IDE: variants seen among roughly 807,000 people sequenced by gnomAD.
IDE encodes the protein insulin degrading enzyme.
Under a neutral mutation model 133.2 loss-of-function variants are expected in IDE, and 58 were observed. The ratio of observed to expected loss-of-function variants is 0.44; its 90% CI spans 0.35 to 0.54. IDE has a LOEUF of 0.54. IDE is among the 20% of genes least tolerant of loss of function. IDE has a pLI of 0.00. For missense variants in IDE, 981 were observed against 1,234.0 expected (o/e 0.79, Z 3.07); for synonymous variants, 396 against 421.3 (o/e 0.94, Z 0.73).
chr10:92,500,533 A>G (rs1847951063), intron 11 of IDE, among the ~76,000 whole-genome samples: 1 of 152,236 alleles, frequency 6.6e-6, no homozygotes, highest in South Asian at 2.1e-4. Flanking sequence ...AACAGAATGT[A>G]GAATAGTGAT....
intron 1 of IDE, among the ~76,000 whole-genome samples, chr10:92,565,259 A>G (rs111990282): frequency 7.3e-4 from 110 of 150,468 alleles, no homozygotes; most frequent in African/African-American, 2.5e-3. Context: ...AAAAAAAAAA[A>G]AAAGAAAAAA....
At chr10:92,506,572 CCT>C in intron 9 of IDE, 50 bp from the exon 10 acceptor site, 3 of 857,672 alleles carry the variant, frequency 3.5e-6, no homozygotes, top group Non-Finnish European at 5.6e-6. Context: ...TATTTAGAAA[CCT>C]TTTTTTTTTT....
intron 13 of IDE, among the ~76,000 whole-genome samples, chr10:92,484,177 C>T (rs1015756876): frequency 6.6e-6 from 1 of 152,120 alleles, no homozygotes; most frequent in Non-Finnish European, 1.5e-5. Context: ...CTTTGGGATG[C>T]CGAGGTGGGT....
intron 11 of IDE, among the ~76,000 whole-genome samples, chr10:92,504,174 T>C (rs937744449): frequency 2.0e-5 from 3 of 152,178 alleles, no homozygotes; most frequent in African/African-American, 7.2e-5. Flanking sequence ...GTAAAACATG[T>C]CATTCAATTA....
chr10:92,564,671 C>CAAAAAAAAAAAAAAAAAAAAAAAAAAAAA (rs532861372), intron 1 of IDE, among the ~76,000 whole-genome samples: 1 of 31,562 alleles, frequency 3.2e-5, no homozygotes, highest in Non-Finnish European at 6.1e-5. Flanking sequence ...GAGACTGTCT[C>CAAAAAAAAAAAAAAAAAAAAAAAAAAAAA]AAAAAAAAAA....
intron 11 of IDE, among the ~76,000 whole-genome samples, chr10:92,495,216 CTTTTTT>C (rs71028822): frequency 1.4e-5 from 1 of 73,444 alleles, no homozygotes. Context: ...TCACACTCGG[CTTTTTT>C]TTTTTTTTTT....
In IDE at chr10:92,528,125, G is replaced by A. The variant is rs564555039; in HGVS notation, c.661+3623C>T. Among the ~76,000 whole-genome samples, 25 of 152,218 alleles carry A rather than the reference G, an allele frequency of 1.6e-4. No individual in the cohort carries two copies. In the East Asian group the frequency reaches 4.6e-3, roughly 28 times the overall value. On this transcript the variant is annotated intron_variant, in intron 4 of 24. Coordinates refer to ENST00000265986, the MANE Select transcript of IDE (RefSeq NM_004969.4). ...GAAATAAGGAAATAGGTTTTGTTGTGCTTCCTTTCCATCTCTTATAATCAC... is the reference window on the plus strand; with the variant it reads ...GAAATAAGGAAATAGGTTTTGTTGTACTTCCTTTCCATCTCTTATAATCAC...
At chr10:92,468,741 C>T in intron 19 of IDE, 138 bp downstream of exon 19, 2 of 508,266 alleles carry the variant, frequency 3.9e-6, no homozygotes, top group Non-Finnish European at 7.0e-6. Context: ...TTACCTATCT[C>T]TAATCATAAT....
At chr10:92,508,011 T>C (rs969067865) in intron 8 of IDE, 102 bp downstream of exon 8, 17 of 831,786 alleles carry the variant, frequency 2.0e-5, no homozygotes, top group Admixed American at 2.0e-4. Context: ...AATTAAAGTG[T>C]TGTAGCTTTC....
intron 22 of IDE, among the ~76,000 whole-genome samples, chr10:92,459,601 C>G (rs777966435): frequency 6.6e-6 from 1 of 152,078 alleles, no homozygotes; most frequent in African/African-American, 2.4e-5. Context: ...TATAATTTTG[C>G]TCCTTATTTT....
In IDE at chr10:92,574,058, T is replaced by C. The variant is rs562980141; in HGVS notation, c.-39A>G. 8.2e-6 allele frequency: 12 copies of C among 1,455,190 alleles called. No homozygotes were observed. Among genetic ancestry groups the C allele is most frequent in the East Asian group, 5.6e-5 (2 of 36,018 alleles). 90.1% of individuals were successfully genotyped at this position (1,455,190 alleles called of 1,614,324 possible). ...CGCCGGGATCACCGCAAACGCTTCC[T>C]GCTTGCGCTTCGAGCCGGCCCTGCG... On this transcript the variant is annotated 5_prime_UTR_variant, in exon 1 of 25. Coordinates refer to ENST00000265986, the MANE Select transcript of IDE (RefSeq NM_004969.4).
intron 1 of IDE, among the ~76,000 whole-genome samples, chr10:92,553,316 C>A (rs762911517): frequency 2.6e-5 from 4 of 151,398 alleles, no homozygotes; most frequent in African/African-American, 4.9e-5. Flanking sequence ...CCCAGGTACT[C>A]AGGAAGCTGA....
rs770831145 is a variant in IDE at position 92,504,872 on chromosome 10, G to A, written c.1352C>T (p.Thr451Ile). 1.3e-5 allele frequency: 21 copies of A among 1,562,376 alleles called. No individual in the cohort carries two copies. The highest frequency in any genetic ancestry group is 1.6e-5 in the Non-Finnish European group (18 of 1,147,458). The change falls in exon 11 of 25, where the codon ACA becomes ATA. Residue 451 changes from threonine (T) to isoleucine (I), a missense_variant. By Grantham distance (89) the Thr-to-Ile change is moderately conservative. This residue lies in a region of IDE where 660 missense variants were observed against 894.7 expected (regional missense o/e 0.74). Transcript: ENST00000265986. ...AAATTCTTCCAGTAAATATTCCGCT[G>A]TGAGCACCTCTTCTAGGGGATAATA... Reference protein sequence around the residue: ...LHYYPLEEVLTAEYLLEEFRP... With the variant: ...LHYYPLEEVLIAEYLLEEFRP...
In IDE at chr10:92,531,760, T is replaced by C; in HGVS notation, c.649A>G (p.Lys217Glu). ...ATGNPKHPFS[K>E]FGTGNKYTLE... is the part of the protein sequence containing the mutation. Reference sequence around the variant, plus strand: ...GCTGTTGACAAACCTGTCCCAAATTTACTGAAGGGGTGTTTAGGATTCCCT... The same window carrying C: ...GCTGTTGACAAACCTGTCCCAAATTCACTGAAGGGGTGTTTAGGATTCCCT... Residue 217 changes from lysine to glutamate, a missense_variant, in exon 4 of 25, where the codon AAA becomes GAA. By Grantham distance (56) the Lys-to-Glu change is moderately conservative. Transcript: ENST00000265986. The C allele has an allele frequency of 6.3e-7, 1 of 1,581,004 alleles. No homozygotes were observed. The highest frequency in any genetic ancestry group is 1.3e-5 in the African/African-American group (1 of 74,400).
In IDE at chr10:92,537,538, C is replaced by G. The variant is rs1368260187; in HGVS notation, c.111G>C (p.Lys37Asn). ...PPERLCGFQK[K>N]TYSKMNNPAI... ...CTGGATTATTCATTTTGCTGTAAGT[C>G]TTTTTTTGGAAACTGAAAAGAAAGA... Residue 37 changes from lysine (K) to asparagine (N), a missense_variant, in exon 2 of 25, where the codon AAG (lysine) becomes AAC (asparagine). Physicochemically the swap from Lys to Asn is moderately conservative, Grantham distance 94. Around this residue, in one of 2 missense-constraint regions of IDE, gnomAD observed 321 missense variants for 339.3 expected, o/e 0.95. Transcript: ENST00000265986. The G allele has an allele frequency of 6.3e-7, 1 of 1,589,394 alleles. No homozygotes were observed. Among genetic ancestry groups the G allele is most frequent in the African/African-American group, 1.4e-5 (1 of 73,388 alleles).
chr10:92,518,885 A>T (rs894825755), intron 4 of IDE, among the ~76,000 whole-genome samples: 1 of 152,204 alleles, frequency 6.6e-6, no homozygotes, highest in African/African-American at 2.4e-5. Flanking sequence ...GATAGTGGTT[A>T]TCTCTCAGGA....
intron 1 of IDE, among the ~76,000 whole-genome samples, chr10:92,554,275 TAAGTA>T (rs1842912665): frequency 6.6e-6 from 1 of 152,110 alleles, no homozygotes; most frequent in Non-Finnish European, 1.5e-5. Flanking sequence ...GAAAAAAGGC[TAAGTA>T]TAGTGGCTCA....
intron 19 of IDE, among the ~76,000 whole-genome samples, chr10:92,467,677 T>A (rs776693566): frequency 6.6e-6 from 1 of 152,236 alleles, no homozygotes; most frequent in Non-Finnish European, 1.5e-5. Flanking sequence ...AAGTCAACTG[T>A]TATGGCTCTT....
At chr10:92,561,800 T>C (rs985865239) in intron 1 of IDE, among the ~76,000 whole-genome samples, 6 of 151,984 alleles carry the variant, frequency 3.9e-5, no homozygotes, top group Non-Finnish European at 8.8e-5. Context: ...TGTGATAATC[T>C]TCGTAAACTT....
Sources: allele counts gnomAD v4.1 joint callset (sites outside exome capture counted in the v4.1 genomes callset), GRCh38; gene constraint gnomAD v4.1.1; regional missense constraint gnomAD v4.1.1; transcripts MANE v1.5; gene names NCBI Gene and HGNC (gene_info 2026-07-23, HGNC 2026-07-21).